Variants in MYO3B observed in about 807,000 individuals in gnomAD.
The protein encoded by MYO3B is myosin-IIIb.
In MYO3B, 156 loss-of-function variants were observed where a neutral mutation model predicts 174.6. That is an observed-to-expected ratio of 0.89 (90% confidence interval 0.78 to 1.02). The LOEUF (loss-of-function observed/expected upper bound fraction) is 1.02, where lower values mean the gene tolerates loss of function less well. MYO3B is among the 50% of genes least tolerant of loss of function. MYO3B has a pLI of 0.00. For synonymous variants in MYO3B, 563 were observed against 569.1 expected (o/e 0.99, Z 0.15); for missense variants, 1,632 against 1,639.4 (o/e 1.00, Z 0.08).
chr2:170,412,823 T>G (rs2094554392), intron 22 of MYO3B, among the ~76,000 whole-genome samples: 1 of 152,184 alleles, frequency 6.6e-6, no homozygotes, highest in Non-Finnish European at 1.5e-5. Flanking sequence ...ACATGGATAG[T>G]GCTGGCTCTT....
intron 3 of MYO3B, among the ~76,000 whole-genome samples, chr2:170,209,477 A>G (rs560246924): frequency 2.0e-5 from 3 of 152,324 alleles, no homozygotes; most frequent in South Asian, 4.1e-4. Flanking sequence ...ATTCATGAAC[A>G]TTTCAGCTCT....
chr2:170,212,161 T>C (rs1055005142), intron 3 of MYO3B, among the ~76,000 whole-genome samples: 2 of 151,316 alleles, frequency 1.3e-5, no homozygotes, highest in Non-Finnish European at 2.9e-5. Context: ...GAGAATCGCT[T>C]GGACCCAGGG....
intron 7 of MYO3B, among the ~76,000 whole-genome samples, chr2:170,243,130 C>A (rs1250405932): frequency 6.6e-6 from 1 of 152,206 alleles, no homozygotes; most frequent in African/African-American, 2.4e-5. Context: ...TATCAGTTAA[C>A]TACTAGTATG....
chr2:170,340,208 A>G (rs1422254473), intron 8 of MYO3B: 1 of 152,098 alleles, frequency 6.6e-6, no homozygotes, highest in Non-Finnish European at 1.5e-5. Context: ...ATGCTTTCTC[A>G]TTTTGCCTCT....
chr2:170,291,628 C>A (rs2093596715), intron 7 of MYO3B, among the ~76,000 whole-genome samples: 1 of 151,868 alleles, frequency 6.6e-6, no homozygotes, highest in African/African-American at 2.4e-5. Context: ...TGAATTCTCT[C>A]AGCTTTTATT....
chr2:170,646,953 A>G, intron 32 of MYO3B: 1 of 1,331,202 alleles, frequency 7.5e-7, no homozygotes, highest in Non-Finnish European at 1.0e-6. Context: ...TATATCTTTC[A>G]ATTGTTTTTA....
intron 23 of MYO3B, among the ~76,000 whole-genome samples, chr2:170,456,074 C>T (rs1427612878): frequency 2.0e-5 from 3 of 151,886 alleles, no homozygotes; most frequent in African/African-American, 7.3e-5. Context: ...GGGAGAATCA[C>T]AGAGTGATTA....
chr2:170,326,421 T>C (rs2105509969), intron 7 of MYO3B, among the ~76,000 whole-genome samples: 1 of 152,328 alleles, frequency 6.6e-6, no homozygotes, highest in African/African-American at 2.4e-5. Context: ...AAAAGGGTCG[T>C]TAGCCAGTCC....
chr2:170,562,501 C>T (rs1362932004), intron 32 of MYO3B, among the ~76,000 whole-genome samples: 1 of 152,106 alleles, frequency 6.6e-6, no homozygotes, highest in Admixed American at 6.6e-5. Context: ...ATAACAATAA[C>T]AACCAAAGCT....
At chr2:170,256,703 G>A (rs77508730) in intron 7 of MYO3B, among the ~76,000 whole-genome samples, 2,455 of 152,190 alleles carry the variant, frequency 0.016, 78 homozygotes, top group African/African-American at 0.056. Context: ...TTGGCTGGTT[G>A]TTATTAGCAA....
At chr2:170,497,331 T>A (rs989443880) in intron 25 of MYO3B, among the ~76,000 whole-genome samples, 10 of 152,194 alleles carry the variant, frequency 6.6e-5, no homozygotes, top group African/African-American at 2.4e-4. Context: ...AATACACAAG[T>A]CTAGGCCAGG....
At chr2:170,559,604 TAAAC>T (rs1430876854) in intron 32 of MYO3B, among the ~76,000 whole-genome samples, 1 of 152,180 alleles carries the variant, frequency 6.6e-6, no homozygotes, top group African/African-American at 2.4e-5. Context: ...TATCTCTTAT[TAAAC>T]AAACTATAAA....
chr2:170,530,082 T>A (rs1169478565), intron 30 of MYO3B, among the ~76,000 whole-genome samples: 2 of 152,224 alleles, frequency 1.3e-5, no homozygotes, highest in Non-Finnish European at 2.9e-5. Flanking sequence ...TTAACAGTAG[T>A]AATGCCACAA....
At chr2:170,544,609 C>T (rs1025197135) in intron 32 of MYO3B, among the ~76,000 whole-genome samples, 2 of 152,220 alleles carry the variant, frequency 1.3e-5, no homozygotes, top group South Asian at 2.1e-4. Context: ...TGATGTTACA[C>T]TTAATGTCAA....
At chr2:170,274,451 C>T (rs2093448594) in intron 7 of MYO3B, among the ~76,000 whole-genome samples, 1 of 152,198 alleles carries the variant, frequency 6.6e-6, no homozygotes, top group African/African-American at 2.4e-5. Context: ...GGATTCTACT[C>T]ACTGTGTTCT....
At chr2:170,514,127 A>G (rs1688146635) in intron 28 of MYO3B, among the ~76,000 whole-genome samples, 1 of 152,214 alleles carries the variant, frequency 6.6e-6, no homozygotes, top group African/African-American at 2.4e-5. Context: ...TCCTGCTGCC[A>G]GTGTAGTTTC....
chr2:170,197,009 T>C (rs1432557721), intron 1 of MYO3B, among the ~76,000 whole-genome samples: 1 of 149,494 alleles, frequency 6.7e-6, no homozygotes, highest in African/African-American at 2.4e-5. Context: ...TTTTGAGATA[T>C]CTTTTCAGGT....
At chr2:170,246,860 G>C (rs140744520) in intron 7 of MYO3B, among the ~76,000 whole-genome samples, 11 of 152,202 alleles carry the variant, frequency 7.2e-5, no homozygotes, top group African/African-American at 2.4e-4. Context: ...GGGACAATGC[G>C]GGGAGGGAGG....
intron 25 of MYO3B, among the ~76,000 whole-genome samples, chr2:170,468,850 G>A (rs1292985194): frequency 6.6e-6 from 1 of 152,240 alleles, no homozygotes; most frequent in African/African-American, 2.4e-5. Flanking sequence ...ATGTGTTCTG[G>A]CAAATGTCTA....
Sources: gnomAD v4.1 joint callset for allele counts (sites outside exome capture counted in the v4.1 genomes callset) on GRCh38, gnomAD v4.1.1 for gene constraint, MANE v1.5 for transcripts, NCBI Gene and HGNC (gene_info 2026-07-23, HGNC 2026-07-21) for gene names.